Variants in COMMD1 observed in about 807,000 individuals in gnomAD.
COMMD1 encodes COMM domain-containing protein 1.
COMMD1 carries 10 observed loss-of-function variants against 17.2 expected under a neutral mutation model. The ratio of observed to expected loss-of-function variants is 0.58; its 90% CI spans 0.36 to 0.99. The LOEUF (loss-of-function observed/expected upper bound fraction) is 0.99, where lower values mean the gene tolerates loss of function less well. COMMD1 is among the 50% of genes least tolerant of loss of function. COMMD1 has a pLI of 0.01. For missense variants in COMMD1, 270 were observed against 231.8 expected (o/e 1.17, Z -1.07); for synonymous variants, 97 against 91.6 (o/e 1.06, Z -0.34).
At chr2:61,935,096 G>C (rs1438889621) in intron 1 of COMMD1, among the ~76,000 whole-genome samples, 1 of 152,222 alleles carries the variant, frequency 6.6e-6, no homozygotes, top group African/African-American at 2.4e-5. Flanking sequence ...TCCAGCTTCA[G>C]CTTGTAGGGC....
At chr2:62,069,386 T>G (rs1671138506) in intron 2 of COMMD1, 1 of 152,208 alleles carries the variant, frequency 6.6e-6, no homozygotes, top group Non-Finnish European at 1.5e-5. Context: ...TTGAAGATTT[T>G]CAGTGAGACA....
chr2:61,959,937 G>A (rs1671295105), intron 1 of COMMD1, among the ~76,000 whole-genome samples: 1 of 152,180 alleles, frequency 6.6e-6, no homozygotes, highest in African/African-American at 2.4e-5. Context: ...TACCCGATTG[G>A]CTGTTAGTTT....
At chr2:62,128,389 CAA>C (rs1246303473) in intron 2 of COMMD1, among the ~76,000 whole-genome samples, 1 of 151,016 alleles carries the variant, frequency 6.6e-6, no homozygotes, top group Non-Finnish European at 1.5e-5. Context: ...ATGTAAAACC[CAA>C]AACTGTAAAA....
chr2:61,924,854 C>T (rs370203916), intron 1 of COMMD1, among the ~76,000 whole-genome samples: 100 of 152,184 alleles, frequency 6.6e-4, no homozygotes, highest in Non-Finnish European at 1.3e-3. Context: ...CTGTCGGTGA[C>T]GAAGACTACA....
At chr2:62,094,760 T>TA (rs1671952582) in intron 2 of COMMD1, among the ~76,000 whole-genome samples, 1 of 152,172 alleles carries the variant, frequency 6.6e-6, no homozygotes, top group Non-Finnish European at 1.5e-5. Flanking sequence ...AATATGCTTA[T>TA]AAAAAGGAAA....
At chr2:61,889,853 C>T (rs1311154841) in intron 1 of COMMD1, among the ~76,000 whole-genome samples, 1 of 152,108 alleles carries the variant, frequency 6.6e-6, no homozygotes, top group Admixed American at 6.6e-5. Flanking sequence ...CATTTATTTC[C>T]GTTATCTGCT....
chr2:61,974,878 A>G lies in COMMD1; in HGVS notation c.181-25823A>G, dbSNP rs1671751435. On this transcript the variant is annotated intron_variant, in intron 1 of 2. Transcript: ENST00000311832. ...CCCAATATTGATGTTATTATTAATT[A>G]AAGTCCATTGTTTACATTAGCGTTC... 7.2e-5 allele frequency among the ~76,000 whole-genome samples: 11 copies of G among 152,096 alleles called. No individual in the cohort carries two copies. In the South Asian group the frequency reaches 2.1e-3, roughly 29 times the overall value.
chr2:62,090,444 C>T (rs1478925945), intron 2 of COMMD1, among the ~76,000 whole-genome samples: 1 of 152,168 alleles, frequency 6.6e-6, no homozygotes, highest in Non-Finnish European at 1.5e-5. Context: ...TTTAATGTCT[C>T]TTCTGGCCAA....
At chr2:61,915,777 T>A (rs949362921) in intron 1 of COMMD1, 1 of 435,930 alleles carries the variant, frequency 2.3e-6, no homozygotes, top group Non-Finnish European at 4.6e-6. Context: ...ATTACAGGTA[T>A]GAGCCACCAC....
intron 2 of COMMD1, among the ~76,000 whole-genome samples, chr2:62,109,505 TATCG>T (rs1672398683): frequency 6.6e-6 from 1 of 152,228 alleles, no homozygotes; most frequent in African/African-American, 2.4e-5. Context: ...GCTTTTATTA[TATCG>T]TCTTCTTAAA....
At position 61,905,760 on chromosome 2, in the gene COMMD1, C is replaced by A; in HGVS notation, c.82C>A (p.Pro28Thr). Residue 28 changes from proline (P) to threonine (T), a missense_variant, in exon 1 of 3, where the codon CCC becomes ACC. By Grantham distance (38) the Pro-to-Thr change is conservative. Coordinates refer to ENST00000311832, the MANE Select transcript of COMMD1 (RefSeq NM_152516.4). ...GGCCCAGGACACTTTCCACGGGTAC[C>A]CCGGCATCACAGAGGAGCTGCTACG... ...ALAQDTFHGY[P>T]GITEELLRSQ... The A allele has an allele frequency of 6.2e-7, 1 of 1,614,088 alleles. No homozygotes were observed. The highest frequency in any genetic ancestry group is 8.5e-7 in the Non-Finnish European group (1 of 1,179,982).
At chr2:62,106,933 A>G (rs1234271766) in intron 2 of COMMD1, among the ~76,000 whole-genome samples, 1 of 152,204 alleles carries the variant, frequency 6.6e-6, no homozygotes, top group East Asian at 1.9e-4. Context: ...GTGGGTCCCT[A>G]GGCCCTATGA....
chr2:62,133,701 A>G (rs13408536), intron 2 of COMMD1, among the ~76,000 whole-genome samples: 40 of 152,324 alleles, frequency 2.6e-4, no homozygotes, highest in African/African-American at 9.1e-4. Context: ...AATTAAGTAT[A>G]TGGTGAATCT....
intron 1 of COMMD1, among the ~76,000 whole-genome samples, chr2:61,890,588 C>G (rs1171748707): frequency 1.3e-5 from 2 of 152,046 alleles, no homozygotes. Flanking sequence ...CGCCTGTAAT[C>G]CCAGCACTTT....
At chr2:61,890,783 C>T (rs534771691) in intron 1 of COMMD1, among the ~76,000 whole-genome samples, 7 of 140,220 alleles carry the variant, frequency 5.0e-5, no homozygotes, top group Non-Finnish European at 9.0e-5. Context: ...GCCGAGATTG[C>T]GCCACTGCAC....
At chr2:61,980,571 C>A (rs1357343162) in intron 1 of COMMD1, among the ~76,000 whole-genome samples, 1 of 138,204 alleles carries the variant, frequency 7.2e-6, no homozygotes, top group African/African-American at 2.8e-5. Flanking sequence ...CTGTTCATGT[C>A]CTTCGCCCAC....
chr2:61,979,221 G>A (rs1360419095), intron 1 of COMMD1, among the ~76,000 whole-genome samples: 3 of 152,134 alleles, frequency 2.0e-5, no homozygotes, highest in Non-Finnish European at 4.4e-5. Flanking sequence ...AGGCCAGAAT[G>A]TAATCCCAGC....
At chr2:61,939,948 G>A (rs902668619) in intron 1 of COMMD1, among the ~76,000 whole-genome samples, 1 of 152,158 alleles carries the variant, frequency 6.6e-6, no homozygotes, top group African/African-American at 2.4e-5. Flanking sequence ...GTATTCCCAG[G>A]TAGCAAGAGC....
intron 2 of COMMD1, among the ~76,000 whole-genome samples, chr2:62,114,052 T>A (rs1171950921): frequency 1.3e-5 from 2 of 152,216 alleles, no homozygotes; most frequent in Non-Finnish European, 2.9e-5. Flanking sequence ...ATTTTTCTGG[T>A]TTGTTTCATT....
Sources: allele counts gnomAD v4.1 joint callset (sites outside exome capture counted in the v4.1 genomes callset), GRCh38; gene constraint gnomAD v4.1.1; transcripts MANE v1.5; gene names NCBI Gene and HGNC (gene_info 2026-07-23, HGNC 2026-07-21).